The following SETX variants were observed in gnomAD, a reference collection of about 807,000 sequenced individuals.
The protein encoded by SETX is senataxin.
SETX carries 90 observed loss-of-function variants against 227.2 expected under a neutral mutation model. The observed-to-expected ratio is 0.40, with a 90% confidence interval of 0.33 to 0.47. The LOEUF is 0.47. SETX is among the 20% of genes least tolerant of loss of function. SETX has a pLI of 0.91. For missense variants in SETX, 3,052 were observed against 3,181.5 expected (o/e 0.96, Z 0.98); for synonymous variants, 1,210 against 1,113.2 (o/e 1.09, Z -1.73).
chr9:132,342,455 G>A (rs368289199), intron 5 of SETX, among the ~76,000 whole-genome samples: 11 of 152,314 alleles, frequency 7.2e-5, no homozygotes, highest in African/African-American at 2.6e-4. Context: ...AGGACATCAA[G>A]TTATTCCCGT....
At chr9:132,278,590 G>C (rs1843317520) in intron 20 of SETX, among the ~76,000 whole-genome samples, 1 of 151,640 alleles carries the variant, frequency 6.6e-6, no homozygotes, top group Non-Finnish European at 1.5e-5. Flanking sequence ...TGAGTAGCTG[G>C]GATAACAGGA....
chr9:132,278,532 G>A (rs867624366), intron 20 of SETX, among the ~76,000 whole-genome samples: 1 of 132,052 alleles, frequency 7.6e-6, no homozygotes, highest in Non-Finnish European at 1.6e-5. Flanking sequence ...TCAGCTCACT[G>A]CATCCTTCAC....
chr9:132,295,737 T>G, intron 15 of SETX, 135 bp downstream of exon 15: 1 of 846,256 alleles, frequency 1.2e-6, no homozygotes. Flanking sequence ...AAATACTTGC[T>G]AAATGAACTC....
chr9:132,275,119 C>G (rs1843089426), intron 23 of SETX, 137 bp downstream of exon 23: 1 of 887,476 alleles, frequency 1.1e-6, no homozygotes. Flanking sequence ...TGAAAGCCAG[C>G]AGCATCCCAG....
chr9:132,337,040 TGG>T (rs1244862982), intron 5 of SETX, among the ~76,000 whole-genome samples: 5 of 152,184 alleles, frequency 3.3e-5, no homozygotes. Context: ...CACTCCAGCC[TGG>T]GCGACAAGAG....
At chr9:132,296,503 CTG>C (rs1301994926) in intron 14 of SETX, among the ~76,000 whole-genome samples, 4 of 151,822 alleles carry the variant, frequency 2.6e-5, no homozygotes, top group African/African-American at 4.8e-5. Context: ...GCAGAGGTTG[CTG>C]TGAGTCAAGA....
Position 132,300,683 on chromosome 9 carries a change from T to C in SETX, c.5495A>G (p.Asp1832Gly), listed in dbSNP as rs1335343211. Reference sequence around the variant, plus strand: ...ATAACCAGAATGATATTCGTGGAGATCTTGTATGTCATTTCTCTCTGTATC... The same window carrying C: ...ATAACCAGAATGATATTCGTGGAGACCTTGTATGTCATTTCTCTCTGTATC... Reference protein sequence around the residue: ...KKDTERNDIQDLHEYHSGYVH... With the variant: ...KKDTERNDIQGLHEYHSGYVH... Residue 1832 changes from aspartate to glycine, a missense_variant, in exon 12 of 26, where the codon GAT becomes GGT. Transcript: ENST00000224140. 1.9e-6 allele frequency: 3 copies of C among 1,613,816 alleles called. No homozygotes were observed. Among genetic ancestry groups the C allele is most frequent in the Non-Finnish European group, 1.7e-6 (2 of 1,179,922 alleles).
At chr9:132,297,085 T>C in intron 13 of SETX, 31 bp from the exon 14 acceptor site, 1 of 1,565,630 alleles carries the variant, frequency 6.4e-7, no homozygotes, top group Non-Finnish European at 8.7e-7. Context: ...TGAGAATGAG[T>C]TGCTGTTTCT....
chr9:132,328,795 A>G lies in SETX; in HGVS notation c.2803T>C (p.Tyr935His). 1.2e-6 allele frequency: 2 copies of G among 1,611,126 alleles called. No homozygotes were observed. The highest frequency in any genetic ancestry group is 2.2e-5 in the East Asian group (1 of 44,870). ...GCCTGTTCTCTTGTCAAGTTAGAAT[A>G]AATCACACTGGTACTATTACTCATC... ...EEMSNSTSVIYSNLTREQAPD... is the reference protein window; with the variant it reads ...EEMSNSTSVIHSNLTREQAPD... The change falls in exon 10 of 26, where the codon TAT becomes CAT. Residue 935 changes from tyrosine to histidine, a missense_variant. By Grantham distance (83) the Tyr-to-His change is moderately conservative. Transcript: ENST00000224140.
chr9:132,328,058 G>C lies in SETX; in HGVS notation c.3540C>G (p.Val1180=). The C allele has an allele frequency of 6.2e-7, 1 of 1,614,098 alleles. No homozygotes were observed. Among genetic ancestry groups the C allele is most frequent in the Non-Finnish European group, 8.5e-7 (1 of 1,180,022 alleles). ...TAGTATCAGACTGGCCCTCATTTCTGACAGAAGATGAAGGCCTCACAGGAT... is the reference window on the plus strand; with the variant it reads ...TAGTATCAGACTGGCCCTCATTTCTCACAGAAGATGAAGGCCTCACAGGAT... ...AEDPVRPSSS[V]RNEGQSDTNK... is the part of the protein sequence containing the mutation. The change falls in exon 10 of 26, where the codon GTC becomes GTG. Residue 1180 remains valine (V), a synonymous_variant. Transcript: ENST00000224140.
At chr9:132,285,103 T>C (rs1411088714) in intron 18 of SETX, among the ~76,000 whole-genome samples, 1 of 152,026 alleles carries the variant, frequency 6.6e-6, no homozygotes, top group African/African-American at 2.4e-5. Flanking sequence ...GGTCTCAATC[T>C]CCTGACCTCG....
chr9:132,266,403 T>C (rs560566682), intron 25 of SETX, among the ~76,000 whole-genome samples: 2 of 152,336 alleles, frequency 1.3e-5, no homozygotes, highest in South Asian at 4.1e-4. Context: ...TTTTAGTCAA[T>C]AAACCATTTA....
chr9:132,276,278 A>G (rs1564476124), intron 22 of SETX, among the ~76,000 whole-genome samples: 1 of 152,090 alleles, frequency 6.6e-6, no homozygotes, highest in Non-Finnish European at 1.5e-5. Flanking sequence ...GCTCTCCTCC[A>G]AGAGGCCTCA....
chr9:132,343,105 G>T (rs1247426034), intron 4 of SETX, among the ~76,000 whole-genome samples: 1 of 152,066 alleles, frequency 6.6e-6, no homozygotes. Context: ...GGATCACAAG[G>T]TCAGGAGATC....
At chr9:132,342,072 T>C (rs968753794) in intron 5 of SETX, among the ~76,000 whole-genome samples, 4 of 152,178 alleles carry the variant, frequency 2.6e-5, no homozygotes, top group South Asian at 2.1e-4. Context: ...TTGCCTTACA[T>C]TGGCAGAGTA....
chr9:132,296,510 T>G (rs1482038915), intron 14 of SETX, among the ~76,000 whole-genome samples: 1 of 151,092 alleles, frequency 6.6e-6, no homozygotes, highest in African/African-American at 2.4e-5. Context: ...TTGCTGTGAG[T>G]CAAGATCGTG....
At chr9:132,287,472 A>C (rs913569138) in intron 17 of SETX, among the ~76,000 whole-genome samples, 3 of 152,216 alleles carry the variant, frequency 2.0e-5, no homozygotes, top group Admixed American at 6.5e-5. Flanking sequence ...AGCCTGGGCC[A>C]CAAAGTGAGA....
At chr9:132,278,391 A>T (rs1843293137) in intron 20 of SETX, 134 bp from the exon 21 acceptor site, 1 of 725,456 alleles carries the variant, frequency 1.4e-6, no homozygotes. Context: ...CCACAGCTTC[A>T]GAGAAAAAAG....
chr9:132,334,577 TCAA>T, intron 7 of SETX, 28 bp downstream of exon 7: 1 of 1,612,288 alleles, frequency 6.2e-7, no homozygotes, highest in Non-Finnish European at 8.5e-7. Context: ...ATCACTATAT[TCAA>T]CAACATTCAG....
Sources: gnomAD v4.1 joint callset for allele counts (sites outside exome capture counted in the v4.1 genomes callset) on GRCh38, gnomAD v4.1.1 for gene constraint, MANE v1.5 for transcripts, NCBI Gene and HGNC (gene_info 2026-07-23, HGNC 2026-07-21) for gene names.